The following STXBP3 variants were observed in gnomAD, a reference collection of about 807,000 sequenced individuals.
STXBP3 encodes the protein syntaxin binding protein 3.
A neutral mutation model predicts 85.7 loss-of-function variants in STXBP3; 41 were observed. The observed-to-expected ratio is 0.48, with a 90% CI of 0.37 to 0.62. The LOEUF (loss-of-function observed/expected upper bound fraction) is 0.62, where lower values mean the gene tolerates loss of function less well. STXBP3 is among the 20% of genes least tolerant of loss of function. STXBP3 has a pLI of 0.00. For synonymous variants in STXBP3, 229 were observed against 231.7 expected (o/e 0.99, Z 0.10); for missense variants, 563 against 703.1 (o/e 0.80, Z 2.25).
intron 11 of STXBP3, among the ~76,000 whole-genome samples, chr1:108,792,695 A>G (rs942118323): frequency 6.6e-6 from 1 of 152,184 alleles, no homozygotes; most frequent in Non-Finnish European, 1.5e-5. Flanking sequence ...TGTGCTAGAC[A>G]TGGTGGATGA....
At chr1:108,794,291 C>A (rs564542497) in intron 12 of STXBP3, among the ~76,000 whole-genome samples, 1 of 152,288 alleles carries the variant, frequency 6.6e-6, no homozygotes, top group East Asian at 1.9e-4. Context: ...TCTGTTCTCA[C>A]ATTGCTGTAA....
At chr1:108,780,460 A>G (rs1417127780) in intron 9 of STXBP3, 1 of 151,990 alleles carries the variant, frequency 6.6e-6, no homozygotes, top group African/African-American at 2.4e-5. Flanking sequence ...TTCTGAATCA[A>G]AAACATTCAG....
rs149103806 is a variant in STXBP3, at chr1:108,767,086, G to C, written c.439-5579G>C. ...TTGCAGCATTAATAAAATATGGAAGGTGCTGGCTTCTCCTCCCTCTGCTGT... is the reference window on the plus strand; with the variant it reads ...TTGCAGCATTAATAAAATATGGAAGCTGCTGGCTTCTCCTCCCTCTGCTGT... On this transcript the variant is annotated intron_variant, in intron 6 of 18. Transcript: ENST00000370008. 3.5e-5 allele frequency: 12 copies of C among 344,254 alleles called. No homozygotes were observed. The East Asian group carries it at 1.1e-3, about 31-fold the overall frequency. 21.3% of individuals were successfully genotyped at this position (344,254 alleles called of 1,614,324 possible). A position where few individuals can be genotyped will look rare whatever the true frequency, so the allele number is the denominator to read the frequency against.
At chr1:108,783,307 AC>A (rs1444900654) in intron 11 of STXBP3, among the ~76,000 whole-genome samples, 2 of 152,234 alleles carry the variant, frequency 1.3e-5, no homozygotes, top group African/African-American at 2.4e-5. Flanking sequence ...ACTTATATAT[AC>A]CCTTGAAACC....
At chr1:108,762,615 G>A (rs1662163287) in intron 6 of STXBP3, among the ~76,000 whole-genome samples, 2 of 151,988 alleles carry the variant, frequency 1.3e-5, no homozygotes, top group African/African-American at 2.4e-5. Flanking sequence ...CTTCCCATAG[G>A]AAGGGTGCCA....
At chr1:108,805,286 G>A (rs1378675639) in intron 17 of STXBP3, among the ~76,000 whole-genome samples, 1 of 152,088 alleles carries the variant, frequency 6.6e-6, no homozygotes, top group East Asian at 1.9e-4. Flanking sequence ...ACAAGAGTGG[G>A]TCTTGTTCCT....
intron 4 of STXBP3, 179 bp downstream of exon 4, chr1:108,756,945 A>G: frequency 2.6e-6 from 1 of 389,064 alleles, no homozygotes; most frequent in Non-Finnish European, 4.7e-6. Flanking sequence ...CCGAATGAGA[A>G]TGTATAAGTA....
chr1:108,772,416 T>TATA lies in STXBP3; in HGVS notation c.439-248_439-246dup, dbSNP rs1553196648. ...TATAAATACATATGATATCTATCTG[T>TATA]ATATATAAATACATATGATATCTAT... is the stretch of plus-strand genomic sequence containing the variant. On this transcript the variant is annotated intron_variant, in intron 6 of 18. Coordinates refer to ENST00000370008, the MANE Select transcript of STXBP3 (RefSeq NM_007269.4). Among the ~76,000 whole-genome samples the TATA allele has an allele frequency of 5.4e-4, 8 of 14,886 alleles. 1 individual carries two copies. The highest frequency in any genetic ancestry group is 2.9e-3 in the South Asian group (2 of 682). The allele number at this position is 14,886 out of a possible 152,430, so 9.8% of individuals were successfully genotyped here. A position where few individuals can be genotyped will look rare whatever the true frequency, so the allele number is the denominator to read the frequency against.
At chr1:108,799,679 A>G (rs974524519) in intron 16 of STXBP3, among the ~76,000 whole-genome samples, 2 of 152,110 alleles carry the variant, frequency 1.3e-5, no homozygotes, top group African/African-American at 4.8e-5. Flanking sequence ...GTGAGCATGA[A>G]CCTATTTACT....
intron 1 of STXBP3, among the ~76,000 whole-genome samples, chr1:108,747,461 A>C (rs1389885915): frequency 6.6e-6 from 1 of 152,158 alleles, no homozygotes; most frequent in Non-Finnish European, 1.5e-5. Flanking sequence ...CCCTGCTGTT[A>C]GGACCGGACT....
intron 11 of STXBP3, among the ~76,000 whole-genome samples, chr1:108,791,991 A>G (rs1662984357): frequency 6.6e-6 from 1 of 152,226 alleles, no homozygotes; most frequent in Non-Finnish European, 1.5e-5. Context: ...GCTGAGTAGT[A>G]TTCCATCATA....
At chr1:108,758,864 TG>T (rs957504505) in intron 5 of STXBP3, among the ~76,000 whole-genome samples, 3 of 152,216 alleles carry the variant, frequency 2.0e-5, no homozygotes, top group African/African-American at 7.2e-5. Context: ...GCTGGGATGC[TG>T]GGATGTGAGG....
chr1:108,791,349 T>C (rs1003588947), intron 11 of STXBP3, among the ~76,000 whole-genome samples: 5 of 152,162 alleles, frequency 3.3e-5, no homozygotes, highest in Admixed American at 2.0e-4. Context: ...TTATCCTCCA[T>C]GGGGTTTGCT....
intron 9 of STXBP3, chr1:108,780,694 G>GAA (rs1226830009): frequency 6.6e-6 from 1 of 151,038 alleles, no homozygotes; most frequent in Non-Finnish European, 1.5e-5. Flanking sequence ...TATGGAAACA[G>GAA]AATACAAAGC....
intron 1 of STXBP3, among the ~76,000 whole-genome samples, chr1:108,748,484 C>T (rs1661839312): frequency 6.6e-6 from 1 of 151,790 alleles, no homozygotes; most frequent in Non-Finnish European, 1.5e-5. Flanking sequence ...ATTGTGCCAC[C>T]GCACTCCAGC....
intron 9 of STXBP3, 194 bp from the exon 10 acceptor site, chr1:108,782,228 G>A (rs1283612113): frequency 2.0e-6 from 1 of 512,672 alleles, no homozygotes; most frequent in African/African-American, 1.9e-5. Context: ...GTCTTGGTAG[G>A]CTTAGGACTT....
At chr1:108,796,811 A>C (rs1663114269) in intron 15 of STXBP3, 85 bp downstream of exon 15, 2 of 913,776 alleles carry the variant, frequency 2.2e-6, no homozygotes, top group Non-Finnish European at 3.1e-6. Context: ...TTTTATGTGG[A>C]CAGTCTTCTT....
chr1:108,773,368 G>A (rs1029366531), intron 7 of STXBP3, among the ~76,000 whole-genome samples: 2 of 152,180 alleles, frequency 1.3e-5, no homozygotes, highest in South Asian at 2.1e-4. Context: ...ATAGGTTCTT[G>A]TTAACTGACA....
chr1:108,757,917 A>G (rs1227027280), intron 4 of STXBP3, among the ~76,000 whole-genome samples: 6 of 152,084 alleles, frequency 3.9e-5, no homozygotes, highest in African/African-American at 1.4e-4. Flanking sequence ...TGGCCATTAA[A>G]AATAATTTTT....
Sources: allele counts gnomAD v4.1 joint callset (sites outside exome capture counted in the v4.1 genomes callset), GRCh38; gene constraint gnomAD v4.1.1; transcripts MANE v1.5; gene names NCBI Gene and HGNC (gene_info 2026-07-23, HGNC 2026-07-21).